PDXDC1: variants seen among roughly 807,000 people sequenced by gnomAD.
PDXDC1 encodes pyridoxal dependent decarboxylase domain containing 1, also known as pyridoxal-dependent decarboxylase domain-containing protein 1.
In PDXDC1, 42 loss-of-function variants were observed where a neutral mutation model predicts 100.1. The ratio of observed to expected loss-of-function variants is 0.42; its 90% confidence interval spans 0.33 to 0.54. The LOEUF is 0.54. PDXDC1 is among the 20% of genes least tolerant of loss of function. The pLI, the probability that PDXDC1 is intolerant of heterozygous loss-of-function variation, is 0.10. For synonymous variants in PDXDC1, 260 were observed against 371.7 expected, an observed-to-expected ratio of 0.70 and a Z score of 3.46; for missense variants, 636 against 979.2, an observed-to-expected ratio of 0.65 and a Z score of 4.68.
intron 16 of PDXDC1, chr16:15,073,136 C>G: frequency 6.4e-7 from 1 of 1,572,680 alleles, no homozygotes; most frequent in Non-Finnish European, 8.7e-7. Flanking sequence ...CAAGTTTCAT[C>G]TGCCATATTT....
intron 1 of PDXDC1, among the ~76,000 whole-genome samples, chr16:14,984,259 C>T (rs1968704201): frequency 6.6e-6 from 1 of 151,176 alleles, no homozygotes; most frequent in Non-Finnish European, 1.5e-5. Context: ...GATCCCTGCC[C>T]TGCTTTCTGT....
intron 16 of PDXDC1, among the ~76,000 whole-genome samples, chr16:15,096,467 G>C (rs1313600607): frequency 6.6e-6 from 1 of 152,178 alleles, no homozygotes; most frequent in Non-Finnish European, 1.5e-5. Flanking sequence ...ATCAGTAACT[G>C]TCTTTCCTGA....
intron 16 of PDXDC1, among the ~76,000 whole-genome samples, chr16:15,082,708 TAAC>T (rs1222328168): frequency 6.6e-6 from 1 of 152,052 alleles, no homozygotes; most frequent in Non-Finnish European, 1.5e-5. Context: ...CTTGCATTCT[TAAC>T]ATCAGTCGCA....
intron 16 of PDXDC1, among the ~76,000 whole-genome samples, chr16:15,052,539 A>G (rs984300997): frequency 6.6e-6 from 1 of 152,200 alleles, no homozygotes; most frequent in African/African-American, 2.4e-5. Flanking sequence ...ACAATGCTAT[A>G]TAAGAAATTA....
At chr16:14,983,968 G>A (rs761844273) in intron 1 of PDXDC1, among the ~76,000 whole-genome samples, 77 of 152,360 alleles carry the variant, frequency 5.1e-4, no homozygotes, top group Non-Finnish European at 8.4e-4. Context: ...TTTGAGGGCA[G>A]CCAGGGCAAC....
rs769185690 is a variant in PDXDC1, at chr16:15,004,364, T to A, written c.389+31T>A. On this transcript the variant is annotated intron_variant, in intron 5 of 22. Transcript: ENST00000396410. ...GACATGATGAGTTTCCAGTGAAGACTTTTATGAGTCGGGTGTAGACTGAAA... is the reference window on the plus strand; with the variant it reads ...GACATGATGAGTTTCCAGTGAAGACATTTATGAGTCGGGTGTAGACTGAAA... 5.2e-5 allele frequency: 84 copies of A among 1,606,944 alleles called. No homozygotes were observed. In the East Asian group the frequency reaches 1.9e-3, roughly 36 times the overall value.
chr16:15,083,381 A>G (rs1023142474), intron 16 of PDXDC1: 79 of 1,383,158 alleles, frequency 5.7e-5, no homozygotes, highest in Non-Finnish European at 7.1e-5. Context: ...CTTGGGCGAC[A>G]GAGTGAGACT....
At chr16:15,132,406 G>A (rs1317667704) in intron 16 of PDXDC1, among the ~76,000 whole-genome samples, 2 of 102,656 alleles carry the variant, frequency 1.9e-5, no homozygotes, top group Admixed American at 9.3e-5. Context: ...GGAGGGAAGG[G>A]GCAGGGGAGG....
chr16:15,055,860 G>A (rs1482596620), intron 16 of PDXDC1: 8 of 1,163,968 alleles, frequency 6.9e-6, no homozygotes, highest in Admixed American at 4.3e-5. Flanking sequence ...CCTCGGGCCC[G>A]CCCCGAAGCC....
intron 13 of PDXDC1, among the ~76,000 whole-genome samples, chr16:15,023,301 TCAG>T (rs1329703152): frequency 5.3e-5 from 8 of 152,292 alleles, no homozygotes. Context: ...AGAATGGGGA[TCAG>T]TTCAGGTTTG....
At chr16:15,091,223 A>G in intron 16 of PDXDC1, 1 of 1,511,376 alleles carries the variant, frequency 6.6e-7, no homozygotes, top group Non-Finnish European at 9.0e-7. Context: ...GGAGAGAGCA[A>G]GTTCTGGAGG....
intron 16 of PDXDC1, chr16:15,128,379 G>A (rs760928012): frequency 5.0e-6 from 8 of 1,590,594 alleles, no homozygotes; most frequent in South Asian, 1.1e-5. Context: ...TGCCCACGTG[G>A]GCCGTGGTAC....
At chr16:15,049,007 C>T (rs1235935975) in intron 16 of PDXDC1, among the ~76,000 whole-genome samples, 1 of 147,806 alleles carries the variant, frequency 6.8e-6, no homozygotes, top group Non-Finnish European at 1.5e-5. Flanking sequence ...AATCCACCCA[C>T]CCTGGCCTCC....
chr16:15,132,808 G>A, intron 16 of PDXDC1: 1 of 1,327,020 alleles, frequency 7.5e-7, no homozygotes, highest in Non-Finnish European at 1.1e-6. Context: ...TGATGTTCTT[G>A]CGTATCTGGG....
At chr16:15,035,912 T>A in intron 22 of PDXDC1, 104 bp from the exon 23 acceptor site, 2 of 1,241,586 alleles carry the variant, frequency 1.6e-6, no homozygotes, top group Non-Finnish European at 2.3e-6. Flanking sequence ...AGGTTTCTGC[T>A]GAAGCTGTGT....
At chr16:15,035,073 C>T (rs1194675309) in intron 21 of PDXDC1, among the ~76,000 whole-genome samples, 3 of 152,142 alleles carry the variant, frequency 2.0e-5, no homozygotes, top group South Asian at 2.1e-4. Context: ...ACACTCGAGC[C>T]CCTTCCTTCA....
chr16:15,110,460 TGAC>T lies in PDXDC1; in HGVS notation c.1400-28418_1400-28416del. On this transcript the variant is annotated intron_variant, in intron 16 of 16. Coordinates refer to the PDXDC1 transcript ENST00000535621. The stretch of plus-strand genomic sequence containing the variant: ...TTTCCATTGATTTTGTCATGACGGT[TGAC>T]TTTTGTTGTCACCTTCATCTTACGG... 3.8e-6 allele frequency: 6 copies of T among 1,587,256 alleles called. 1 individual carries two copies. In the South Asian group the frequency reaches 5.5e-5, roughly 15 times the overall value.
chr16:14,998,518 C>A, intron 3 of PDXDC1, 113 bp downstream of exon 3: 1 of 1,149,514 alleles, frequency 8.7e-7, no homozygotes, highest in South Asian at 1.5e-5. Flanking sequence ...AATCTGGGCT[C>A]GCTGCAACCT....
intron 16 of PDXDC1, among the ~76,000 whole-genome samples, chr16:15,069,546 C>G (rs559745375): frequency 7.9e-5 from 12 of 152,304 alleles, no homozygotes; most frequent in African/African-American, 2.9e-4. Flanking sequence ...TCAATTAAGT[C>G]TCAAGGCTTC....
Sources: allele counts gnomAD v4.1 joint callset (sites outside exome capture counted in the v4.1 genomes callset), GRCh38; gene constraint gnomAD v4.1.1; transcripts MANE v1.5; gene names NCBI Gene and HGNC (gene_info 2026-07-23, HGNC 2026-07-21).